AFAP1L2: variants seen among roughly 807,000 people sequenced by gnomAD.
AFAP1L2 encodes actin filament associated protein 1 like 2, also known as actin filament-associated protein 1-like 2.
Under a neutral mutation model 99.3 loss-of-function variants are expected in AFAP1L2, and 46 were observed. That is an observed-to-expected ratio of 0.46 (90% CI 0.37 to 0.59). The LOEUF (loss-of-function observed/expected upper bound fraction) is 0.59, where lower values mean the gene tolerates loss of function less well. AFAP1L2 is among the 20% of genes least tolerant of loss of function. The pLI is 0.00. For synonymous variants in AFAP1L2, 397 were observed against 419.1 expected (o/e 0.95, Z 0.64); for missense variants, 959 against 1,034.9 (o/e 0.93, Z 1.01).
At chr10:114,282,350 A>G in the AFAP1L2 span, among the ~76,000 whole-genome samples, 1 of 152,142 alleles carries the variant, frequency 6.6e-6, no homozygotes. Flanking sequence ...TCCCTACTCT[A>G]TGTGCAGAGA....
At chr10:114,354,851 A>T (rs2136310928) in intron 1 of AFAP1L2, among the ~76,000 whole-genome samples, 1 of 152,344 alleles carries the variant, frequency 6.6e-6, no homozygotes, top group East Asian at 1.9e-4. Context: ...CCTGCCAACT[A>T]CAAGAACCAA....
chr10:114,392,595 A>T (rs537432), intron 1 of AFAP1L2, among the ~76,000 whole-genome samples: 35 of 152,014 alleles, frequency 2.3e-4, no homozygotes, highest in African/African-American at 8.2e-4. Context: ...TAGTGACACC[A>T]CAGAATCTTA....
chr10:114,322,845 C>T (rs949388523), intron 5 of AFAP1L2, among the ~76,000 whole-genome samples: 2 of 152,262 alleles, frequency 1.3e-5, no homozygotes, highest in African/African-American at 4.8e-5. Context: ...TCTCTTCTGT[C>T]ACCTTTGTGC....
downstream of AFAP1L2, among the ~76,000 whole-genome samples, chr10:114,293,716 G>A (rs2039815332): frequency 6.6e-6 from 1 of 152,142 alleles, no homozygotes; most frequent in African/African-American, 2.4e-5. Context: ...TTCTCTGAAC[G>A]ATCCTGATTC....
chr10:114,322,787 G>A (rs909368977), intron 5 of AFAP1L2, among the ~76,000 whole-genome samples: 1 of 152,214 alleles, frequency 6.6e-6, no homozygotes, highest in Non-Finnish European at 1.5e-5. Flanking sequence ...CAGCCTGACC[G>A]CCACTTCCAT....
chr10:114,399,727 C>G (rs373344228), intron 1 of AFAP1L2, among the ~76,000 whole-genome samples: 1 of 152,182 alleles, frequency 6.6e-6, no homozygotes, highest in African/African-American at 2.4e-5. Flanking sequence ...CTCTTTCCCA[C>G]TAAGTCTGCT....
intron 1 of AFAP1L2, among the ~76,000 whole-genome samples, chr10:114,347,651 T>C (rs1055547893): frequency 3.5e-4 from 53 of 152,160 alleles, no homozygotes; most frequent in African/African-American, 1.2e-3. Context: ...GCTGGGACTA[T>C]AGGCATGTAC....
rs1384019503 is a variant in AFAP1L2 at position 114,377,613 on chromosome 10, T to C, written c.16+26827A>G. Among the ~76,000 whole-genome samples, 1 of 152,126 alleles carries C rather than the reference T, an allele frequency of 6.6e-6. No individual in the cohort carries two copies. Among genetic ancestry groups the C allele is most frequent in the Non-Finnish European group, 1.5e-5 (1 of 68,022 alleles). The stretch of plus-strand genomic sequence containing the variant: ...CAAAATAGCAGTCAATGGTATAGAG[T>C]GGTTATTCGATTTCCCCAGTGTGAT... On this transcript the variant is annotated intron_variant, in intron 1 of 18. Coordinates refer to ENST00000304129, the MANE Select transcript of AFAP1L2 (RefSeq NM_001001936.3). The surrounding 1 kb of genome is among the most constrained non-coding windows in gnomAD (Gnocchi z 4.0).
intron 1 of AFAP1L2, among the ~76,000 whole-genome samples, chr10:114,395,933 A>C (rs887044833): frequency 2.0e-5 from 3 of 152,132 alleles, no homozygotes; most frequent in Admixed American, 6.6e-5. Flanking sequence ...TATGCACAAA[A>C]ACACTGCCTG....
intron 18 of AFAP1L2, chr10:114,296,744 A>G: frequency 1.9e-6 from 1 of 535,486 alleles, no homozygotes; most frequent in South Asian, 2.0e-5. Context: ...GAACTGAAGC[A>G]TCCCCAAGCT....
the AFAP1L2 span, among the ~76,000 whole-genome samples, chr10:114,287,727 A>C: frequency 6.6e-6 from 1 of 152,146 alleles, no homozygotes; most frequent in African/African-American, 2.4e-5. Context: ...TATAGGAAAA[A>C]ATAATTGACA....
intron 1 of AFAP1L2, among the ~76,000 whole-genome samples, chr10:114,354,174 G>C (rs1054000524): frequency 1.8e-4 from 27 of 152,136 alleles, no homozygotes; most frequent in African/African-American, 6.3e-4. Flanking sequence ...AAATTATGAG[G>C]CACCACAAGA....
rs569819768 is a variant in AFAP1L2, at chr10:114,299,104, A to G, written c.2113+156T>C. Among the ~76,000 whole-genome samples the G allele has an allele frequency of 7.0e-4, 107 of 152,340 alleles. 2 individuals are homozygous for G. Among genetic ancestry groups the G allele is most frequent in the South Asian group, 5.4e-3 (26 of 4,822 alleles). The stretch of plus-strand genomic sequence containing the variant: ...ATGACCTTTCAGACAGGATTGGAAG[A>G]AAGGACACACAAGGGAGCACCCACC... On this transcript the variant is annotated intron_variant, in intron 16 of 18. Coordinates refer to ENST00000304129, the MANE Select transcript of AFAP1L2 (RefSeq NM_001001936.3).
intron 5 of AFAP1L2, 82 bp from the exon 6 acceptor site, chr10:114,315,847 A>T (rs2044049742): frequency 1.5e-6 from 2 of 1,366,570 alleles, no homozygotes; most frequent in Non-Finnish European, 2.0e-6. Context: ...GGCAGCAGGC[A>T]GGAGCAGCAG....
At chr10:114,381,064 G>A (rs2055549245) in intron 1 of AFAP1L2, among the ~76,000 whole-genome samples, 1 of 152,148 alleles carries the variant, frequency 6.6e-6, no homozygotes, top group East Asian at 1.9e-4. Flanking sequence ...TCAAAAACTT[G>A]TACATGAATG....
At chr10:114,320,423 T>C (rs1460846393) in intron 5 of AFAP1L2, among the ~76,000 whole-genome samples, 1 of 152,240 alleles carries the variant, frequency 6.6e-6, no homozygotes, top group Non-Finnish European at 1.5e-5. Context: ...ACAACCTGCA[T>C]GTCACACTGT....
rs936500854 is a variant in AFAP1L2, at chr10:114,366,948, CAG to C, written c.17-26219_17-26218del. ...CGACACTGCACTCCAGCCTGGGTGA[CAG>C]AGTGAGACTCCTGTCTCAAAAAAAC... On this transcript the variant is annotated intron_variant, in intron 1 of 18. Coordinates refer to ENST00000304129, the MANE Select transcript of AFAP1L2 (RefSeq NM_001001936.3). Among the ~76,000 whole-genome samples, 59 of 152,142 alleles carry C rather than the reference CAG, an allele frequency of 3.9e-4. 1 individual carries two copies. The highest frequency in any genetic ancestry group is 1.2e-4 in the Non-Finnish European group (8 of 68,026).
chr10:114,400,762 T>C (rs910968619), intron 1 of AFAP1L2, among the ~76,000 whole-genome samples: 3 of 152,210 alleles, frequency 2.0e-5, no homozygotes, highest in Non-Finnish European at 4.4e-5. Context: ...TGAAGACCTT[T>C]AAAAAATACA....
At chr10:114,372,876 C>T (rs1207153551) in intron 1 of AFAP1L2, among the ~76,000 whole-genome samples, 1 of 152,162 alleles carries the variant, frequency 6.6e-6, no homozygotes, top group African/African-American at 2.4e-5. Context: ...TACAAGTAAG[C>T]TCACACTATT....
Sources: gnomAD v4.1 joint callset for allele counts (sites outside exome capture counted in the v4.1 genomes callset) on GRCh38, gnomAD v4.1.1 for gene constraint, Gnocchi (gnomAD v3.1) non-coding constraint, MANE v1.5 for transcripts, NCBI Gene and HGNC (gene_info 2026-07-23, HGNC 2026-07-21) for gene names.